ZRANB3: variants seen among roughly 807,000 people sequenced by gnomAD.
ZRANB3 encodes zinc finger RANBP2-type containing 3, also known as DNA annealing helicase and endonuclease ZRANB3.
In ZRANB3, 125 loss-of-function variants were observed where a neutral mutation model predicts 133.8. The observed-to-expected ratio is 0.93, with a 90% confidence interval of 0.81 to 1.08. The LOEUF (loss-of-function observed/expected upper bound fraction) is 1.08. Among genes scored for constraint, ZRANB3 ranks in the 50% least tolerant of loss-of-function variants. ZRANB3 has a pLI of 0.00. For synonymous variants in ZRANB3, 387 were observed against 432.7 expected (o/e 0.89, Z 1.31); for missense variants, 1,229 against 1,275.5 (o/e 0.96, Z 0.56).
intron 8 of ZRANB3, among the ~76,000 whole-genome samples, chr2:135,282,046 A>T (rs899506042): frequency 2.6e-5 from 4 of 152,182 alleles, no homozygotes; most frequent in Non-Finnish European, 4.4e-5. Flanking sequence ...TTTCTTTTTT[A>T]ATGTCAAATA....
chr2:135,346,883 A>C (rs1346778607), intron 5 of ZRANB3, among the ~76,000 whole-genome samples: 2 of 152,166 alleles, frequency 1.3e-5, no homozygotes, highest in East Asian at 1.9e-4. Flanking sequence ...ATCATGACTA[A>C]TTCTATAATA....
intron 3 of ZRANB3, among the ~76,000 whole-genome samples, chr2:135,384,360 A>C (rs994935903): frequency 2.0e-5 from 3 of 152,140 alleles, no homozygotes; most frequent in African/African-American, 4.8e-5. Context: ...TAATAGATTA[A>C]CAACCAAAAA....
chr2:135,390,106 C>T (rs1341896358), intron 3 of ZRANB3, among the ~76,000 whole-genome samples: 3 of 151,984 alleles, frequency 2.0e-5, no homozygotes, highest in Non-Finnish European at 2.9e-5. Flanking sequence ...GTCTCAAACT[C>T]CTGGCCTCAT....
intron 15 of ZRANB3, among the ~76,000 whole-genome samples, chr2:135,220,349 A>G (rs1694488326): frequency 6.6e-6 from 1 of 152,072 alleles, no homozygotes; most frequent in African/African-American, 2.4e-5. Flanking sequence ...AAAAAAAAAA[A>G]AAGTTACAGC....
At chr2:135,449,979 A>C (rs1369387406) in intron 2 of ZRANB3, among the ~76,000 whole-genome samples, 1 of 152,254 alleles carries the variant, frequency 6.6e-6, no homozygotes, top group East Asian at 1.9e-4. Flanking sequence ...GCTGGTCTCA[A>C]ACTCCTGGGC....
chr2:135,210,195 C>A (rs1694037495), intron 17 of ZRANB3, among the ~76,000 whole-genome samples: 1 of 152,144 alleles, frequency 6.6e-6, no homozygotes, highest in African/African-American at 2.4e-5. Flanking sequence ...GGGATGTGTA[C>A]AATACGTCCC....
At chr2:135,231,337 A>G (rs1473288392) in intron 12 of ZRANB3, among the ~76,000 whole-genome samples, 1 of 152,200 alleles carries the variant, frequency 6.6e-6, no homozygotes, top group Non-Finnish European at 1.5e-5. Context: ...ATGTCACGGA[A>G]AAAAAGGCAA....
At chr2:135,525,669 G>A (rs536452238) in intron 1 of ZRANB3, among the ~76,000 whole-genome samples, 70 of 152,032 alleles carry the variant, frequency 4.6e-4, no homozygotes, top group Non-Finnish European at 9.4e-4. Flanking sequence ...CCAACATGGC[G>A]AAACCCCGTC....
chr2:135,302,631 T>C (rs535721035), intron 8 of ZRANB3, among the ~76,000 whole-genome samples: 32 of 151,928 alleles, frequency 2.1e-4, no homozygotes, highest in Admixed American at 5.2e-4. Context: ...GCTCAAGCGA[T>C]TCTCCTGCCT....
intron 8 of ZRANB3, among the ~76,000 whole-genome samples, chr2:135,289,737 T>C (rs1219791720): frequency 6.6e-6 from 1 of 152,114 alleles, no homozygotes; most frequent in Non-Finnish European, 1.5e-5. Flanking sequence ...ACCCCATCTC[T>C]ACTAAAAATA....
At chr2:135,350,544 AG>A (rs1372191949) in intron 4 of ZRANB3, among the ~76,000 whole-genome samples, 3 of 152,238 alleles carry the variant, frequency 2.0e-5, no homozygotes, top group African/African-American at 7.2e-5. Context: ...CTTAAATATT[AG>A]TTGACTCTTC....
chr2:135,395,191 T>C (rs890675463), intron 2 of ZRANB3, among the ~76,000 whole-genome samples: 1 of 151,710 alleles, frequency 6.6e-6, no homozygotes, highest in African/African-American at 2.4e-5. Flanking sequence ...GAGAAACAAA[T>C]CCATACATCT....
At chr2:135,388,293 T>C (rs548088658) in intron 3 of ZRANB3, among the ~76,000 whole-genome samples, 15 of 152,236 alleles carry the variant, frequency 9.9e-5, no homozygotes, top group South Asian at 6.2e-4. Context: ...ATGTGGGAAT[T>C]ATGGTAGCTA....
intron 3 of ZRANB3, among the ~76,000 whole-genome samples, chr2:135,364,883 T>C (rs1479972600): frequency 6.6e-6 from 1 of 152,042 alleles, no homozygotes; most frequent in Admixed American, 6.5e-5. Context: ...ACCCCGTCTC[T>C]ACTAAAAATA....
intron 8 of ZRANB3, among the ~76,000 whole-genome samples, chr2:135,305,338 G>A (rs1363709821): frequency 2.0e-5 from 3 of 152,146 alleles, no homozygotes; most frequent in African/African-American, 7.2e-5. Flanking sequence ...CTCTTTGTGT[G>A]GAACATCTTT....
At chr2:135,442,195 G>A (rs1301734185) in intron 2 of ZRANB3, among the ~76,000 whole-genome samples, 2 of 152,096 alleles carry the variant, frequency 1.3e-5, no homozygotes, top group African/African-American at 4.8e-5. Flanking sequence ...ATAGACAAAT[G>A]GGATCTAATT....
intron 15 of ZRANB3, among the ~76,000 whole-genome samples, chr2:135,222,357 G>T (rs914877076): frequency 2.0e-5 from 3 of 149,254 alleles, no homozygotes; most frequent in African/African-American, 7.4e-5. Flanking sequence ...AACCGAGATC[G>T]CACCACTGCA....
intron 1 of ZRANB3, among the ~76,000 whole-genome samples, chr2:135,505,208 A>C (rs569283570): frequency 6.6e-6 from 1 of 152,172 alleles, no homozygotes; most frequent in South Asian, 2.1e-4. Flanking sequence ...CTACACTATA[A>C]TGCCTATCAA....
chr2:135,356,718 T>C (rs1010947831), intron 3 of ZRANB3, among the ~76,000 whole-genome samples: 5 of 152,186 alleles, frequency 3.3e-5, no homozygotes, highest in Admixed American at 6.6e-5. Flanking sequence ...TGGGGTTTTT[T>C]TGTGTGTTTG....
Sources: gnomAD v4.1 joint callset for allele counts (sites outside exome capture counted in the v4.1 genomes callset) on GRCh38, gnomAD v4.1.1 for gene constraint, MANE v1.5 for transcripts, NCBI Gene and HGNC (gene_info 2026-07-23, HGNC 2026-07-21) for gene names.